The following CCDC112 variants were observed in gnomAD, a reference collection of about 807,000 sequenced individuals.
CCDC112 encodes coiled-coil domain-containing protein 112.
CCDC112 carries 40 observed loss-of-function variants against 66.3 expected under a neutral mutation model. The observed-to-expected ratio is 0.60, with a 90% CI of 0.47 to 0.79. The LOEUF (loss-of-function observed/expected upper bound fraction) is 0.79. Among genes scored for constraint, CCDC112 ranks in the 30% least tolerant of loss-of-function variants. The pLI, the probability that CCDC112 is intolerant of heterozygous loss-of-function variation, is 0.00. For synonymous variants in CCDC112, 214 were observed against 197.2 expected, an observed-to-expected ratio of 1.09 and a Z score of -0.71; for missense variants, 659 against 603.8, an observed-to-expected ratio of 1.09 and a Z score of -0.96.
In CCDC112 at chr5:115,277,014, A is replaced by G. The variant is rs146328652; in HGVS notation, c.402T>C (p.Asn134=). ...TTAATTGATGCTGAAGTTTCTTTAC[A>G]TTATTATGTATTTTGGCCAATTGTT... ...IQQQLAKIHN[N]VKKLQHQLKD... The change falls in exon 4 of 10, where the codon AAT becomes AAC. Residue 134 remains asparagine (N), a synonymous_variant. Coordinates refer to ENST00000379611, the MANE Select transcript of CCDC112 (RefSeq NM_001040440.3). 8.7e-6 allele frequency: 14 copies of G among 1,610,302 alleles called. No homozygotes were observed. The highest frequency in any genetic ancestry group is 8.5e-7 in the Non-Finnish European group (1 of 1,177,644).
chr5:115,296,085 A>C, intron 1 of CCDC112: 1 of 1,031,876 alleles, frequency 9.7e-7, no homozygotes, highest in Non-Finnish European at 1.2e-6. Context: ...GGGGCTCCCC[A>C]GACATAACGT....
chr5:115,269,049 G>A, intron 8 of CCDC112, 49 bp from the exon 9 acceptor site: 1 of 1,085,842 alleles, frequency 9.2e-7, no homozygotes, highest in Non-Finnish European at 1.3e-6. Flanking sequence ...AACTCAGTTT[G>A]TACTAGTAAA....
Position 115,271,380 on chromosome 5 carries a change from T to G in CCDC112, c.1165A>C (p.Lys389Gln), listed in dbSNP as rs773264311. 5 of 1,610,924 alleles carry G rather than the reference T, an allele frequency of 3.1e-6. No individual in the cohort carries two copies. Among genetic ancestry groups the G allele is most frequent in the Non-Finnish European group, 3.4e-6 (4 of 1,179,484 alleles). ...AACTTAAACTGGCGCTGGCGTTCTT[T>G]CTGATGTTTTTTCTCTTTCTCTTCT... ...EEEEKEKKHQ[K>Q]ERQRQFKLKL... Residue 389 changes from lysine (K) to glutamine (Q), a missense_variant, in exon 7 of 10, where the codon AAA becomes CAA. Transcript: ENST00000379611.
rs368586091 is a variant in CCDC112 at position 115,269,738 on chromosome 5, G to T, written c.1393C>A (p.Gln465Lys). 1 of 1,598,134 alleles carries T rather than the reference G, an allele frequency of 6.3e-7. No individual in the cohort carries two copies. The highest frequency in any genetic ancestry group is 8.5e-7 in the Non-Finnish European group (1 of 1,173,606). Residue 465 changes from glutamine (Q) to lysine (K), a missense_variant, in exon 8 of 10, where the codon CAA becomes AAA. Physicochemically the swap from Gln to Lys is moderately conservative, Grantham distance 53. Transcript: ENST00000379611. ...DRQAKEDEKS[Q>K]KQRRLAKLKE... ...AATTTTGCCAGTCTTCTTTGTTTTTGTGACTTTTCATCTTCCTTTGCCTGT... is the reference window on the plus strand; with the variant it reads ...AATTTTGCCAGTCTTCTTTGTTTTTTTGACTTTTCATCTTCCTTTGCCTGT...
intron 4 of CCDC112, 50 bp from the exon 5 acceptor site, chr5:115,276,119 A>G (rs912422859): frequency 7.8e-7 from 1 of 1,281,252 alleles, no homozygotes; most frequent in Non-Finnish European, 1.1e-6. Context: ...CCATATGGCT[A>G]AAAGTTAAAT....
At chr5:115,284,236 A>G (rs1749580526) in intron 2 of CCDC112, among the ~76,000 whole-genome samples, 1 of 152,312 alleles carries the variant, frequency 6.6e-6, no homozygotes, top group African/African-American at 2.4e-5. Context: ...AATGGCTTTC[A>G]GAGTGGCTGG....
intron 2 of CCDC112, among the ~76,000 whole-genome samples, chr5:115,280,634 C>T (rs1446868907): frequency 6.6e-6 from 1 of 151,910 alleles, no homozygotes; most frequent in Non-Finnish European, 1.5e-5. Context: ...CTCACTGCAG[C>T]CTTGACCTCC....
intron 1 of CCDC112, among the ~76,000 whole-genome samples, chr5:115,289,734 G>A (rs966328577): frequency 6.6e-6 from 1 of 152,156 alleles, no homozygotes; most frequent in Non-Finnish European, 1.5e-5. Flanking sequence ...TTCTTTTGCA[G>A]CGGCTTAATC....
chr5:115,284,317 G>T (rs1749584512), intron 2 of CCDC112, among the ~76,000 whole-genome samples: 3 of 152,004 alleles, frequency 2.0e-5, no homozygotes, highest in Admixed American at 2.0e-4. Context: ...TATCCTCTAT[G>T]ATCCTCAACA....
At position 115,279,740 on chromosome 5, in the gene CCDC112, T is replaced by G. The variant is rs1416147278; in HGVS notation, c.268A>C (p.Ser90Arg). Residue 90 changes from serine to arginine, a missense_variant, in exon 3 of 10, where the codon AGT becomes CGT. By Grantham distance (110) the Ser-to-Arg change is moderately radical (BLOSUM62 -1). Coordinates refer to ENST00000379611, the MANE Select transcript of CCDC112 (RefSeq NM_001040440.3). ...TCACTTTTTTGGTTGTAGAAATGAC[T>G]GTGTTTATCTTTTTCCATGTTAATT... ...QVINMEKDKH[S>R]HFYNQKSDFR... The G allele has an allele frequency of 1.3e-6, 2 of 1,535,252 alleles. No individual in the cohort carries two copies. Among genetic ancestry groups the G allele is most frequent in the African/African-American group, 1.4e-5 (1 of 73,370 alleles).
chr5:115,276,957 T>A lies in CCDC112; in HGVS notation c.451+8A>T. ...ATAAGAAAGATTATAATATCTAAAT[T>A]TACTTACAATCAGGTGTAGGCTTCA... is the stretch of plus-strand genomic sequence containing the variant. On this transcript the variant is annotated splice_region_variant and intron_variant, in intron 4 of 9. Transcript: ENST00000379611. The A allele has an allele frequency of 1.3e-6, 2 of 1,522,706 alleles. No homozygotes were observed. The highest frequency in any genetic ancestry group is 1.8e-6 in the Non-Finnish European group (2 of 1,102,324). 94.3% of individuals were successfully genotyped at this position (1,522,706 alleles called of 1,614,324 possible). A position where few individuals can be genotyped will look rare whatever the true frequency, so the allele number is the denominator to read the frequency against.
Position 115,282,330 on chromosome 5 carries a change from C to G in CCDC112, c.239+2457G>C, listed in dbSNP as rs1749491422. Among the ~76,000 whole-genome samples the G allele has an allele frequency of 5.3e-5, 8 of 152,018 alleles. No homozygotes were observed. In the South Asian group the frequency reaches 1.5e-3, roughly 28 times the overall value. On this transcript the variant is annotated intron_variant, in intron 2 of 9. Coordinates refer to ENST00000379611, the MANE Select transcript of CCDC112 (RefSeq NM_001040440.3). ...TCTCACCCTGATTCAGCAGTTTTACCTCTCATTTCATCTATCCATCTATCT... is the reference window on the plus strand; with the variant it reads ...TCTCACCCTGATTCAGCAGTTTTACGTCTCATTTCATCTATCCATCTATCT...
At chr5:115,278,746 T>C (rs1749315199) in intron 3 of CCDC112, among the ~76,000 whole-genome samples, 1 of 152,140 alleles carries the variant, frequency 6.6e-6, no homozygotes, top group African/African-American at 2.4e-5. Flanking sequence ...AAGAATCACT[T>C]TTTAAAGTAG....
intron 1 of CCDC112, 183 bp downstream of exon 1, chr5:115,296,244 G>C: frequency 7.7e-7 from 1 of 1,290,608 alleles, no homozygotes; most frequent in South Asian, 2.3e-5. Context: ...ACCACATGGA[G>C]GCGGCTCTGC....
Position 115,271,922 on chromosome 5 carries a change from CTTT to C in CCDC112, c.919-299_919-297del, listed in dbSNP as rs34279929. ...ATGATCCTTCTCCTCTTTACTGCTT[CTTT>C]TTTTTTTTTTTTTTTTGAGACGGAG... On this transcript the variant is annotated intron_variant, in intron 6 of 9. Coordinates refer to ENST00000379611, the MANE Select transcript of CCDC112 (RefSeq NM_001040440.3). 5.3e-5 allele frequency among the ~76,000 whole-genome samples: 7 copies of C among 131,912 alleles called. No individual in the cohort carries two copies. The South Asian group carries it at 1.3e-3, about 24-fold the overall frequency. The allele number at this position is 131,912 out of a possible 152,430, so 86.5% of individuals were successfully genotyped here.
In CCDC112 at chr5:115,271,345, T is replaced by C. The variant is rs1297463391; in HGVS notation, c.1200A>G (p.Leu400=). The C allele has an allele frequency of 6.2e-6, 10 of 1,612,654 alleles. No homozygotes were observed. The highest frequency in any genetic ancestry group is 1.3e-5 in the African/African-American group (1 of 74,868). Reference sequence around the variant, plus strand: ...TCTTCTGCTGGGTATAACTTTCTAGTAGTAATTTTAACTTAAACTGGCGCT... The same window carrying C: ...TCTTCTGCTGGGTATAACTTTCTAGCAGTAATTTTAACTTAAACTGGCGCT... ...ERQRQFKLKL[L]LESYTQQKKE... Residue 400 remains leucine, a synonymous_variant, in exon 7 of 10, where the codon CTA becomes CTG. Transcript: ENST00000379611.
chr5:115,296,240 T>C (rs1580814580), intron 1 of CCDC112, 187 bp downstream of exon 1: 2 of 1,287,858 alleles, frequency 1.6e-6, no homozygotes. Context: ...CGAAACCACA[T>C]GGAGGCGGCT....
chr5:115,267,477 T>G lies in CCDC112; in HGVS notation c.*399A>C. The G allele has an allele frequency of 6.2e-6, 1 of 160,556 alleles. No individual in the cohort carries two copies. The highest frequency in any genetic ancestry group is 1.4e-5 in the Non-Finnish European group (1 of 74,058). 9.9% of individuals were successfully genotyped at this position (160,556 alleles called of 1,614,324 possible). ...AAACAAAAACCACTTTACCTTTTTGTTACTCAAGCTAACTTAACTCCAAGT... is the reference window on the plus strand; with the variant it reads ...AAACAAAAACCACTTTACCTTTTTGGTACTCAAGCTAACTTAACTCCAAGT... On this transcript the variant is annotated 3_prime_UTR_variant, in exon 10 of 10. Transcript: ENST00000379611.
Position 115,275,459 on chromosome 5 carries a change from T to C in CCDC112, c.675A>G (p.Thr225=). 6.2e-7 allele frequency: 1 copy of C among 1,614,076 alleles called. No homozygotes were observed. The highest frequency in any genetic ancestry group is 8.5e-7 in the Non-Finnish European group (1 of 1,179,976). ...GTACCTCTTCTGGAAGAGTACTTGG[T>C]GTTACTTTGTCTACAGGAACTTTGC... The part of the protein sequence containing the change: ...ISSKVPVDKV[T]PSTLPEEVLD... Residue 225 remains threonine (T), a synonymous_variant, in exon 6 of 10, where the codon ACA becomes ACG. Transcript: ENST00000379611.
Sources: allele counts gnomAD v4.1 joint callset (sites outside exome capture counted in the v4.1 genomes callset), GRCh38; gene constraint gnomAD v4.1.1; transcripts MANE v1.5; gene names NCBI Gene and HGNC (gene_info 2026-07-23, HGNC 2026-07-21).